The following SARNP variants were observed in gnomAD, a reference collection of about 807,000 sequenced individuals.
The protein encoded by SARNP is SAP domain-containing ribonucleoprotein.
In SARNP, 5 loss-of-function variants were observed where a neutral mutation model predicts 38.1. That is an observed-to-expected ratio of 0.13 (90% CI 0.07 to 0.28). The LOEUF (loss-of-function observed/expected upper bound fraction) is 0.28. Ranked by LOEUF, SARNP falls within the 10% of genes least tolerant of loss-of-function variation. The pLI is 1.00. For missense variants in SARNP, 180 were observed against 243.9 expected (o/e 0.74, Z 1.75); for synonymous variants, 84 against 80.6 (o/e 1.04, Z -0.23).
chr12:55,774,567 A>C (rs1255814848), intron 9 of SARNP, among the ~76,000 whole-genome samples: 3 of 81,454 alleles, frequency 3.7e-5, no homozygotes, highest in African/African-American at 6.9e-5. Context: ...CTGAAAAAAA[A>C]AAAAAAACAA....
At chr12:55,797,114 G>T (rs555333157) in intron 4 of SARNP, among the ~76,000 whole-genome samples, 13 of 152,302 alleles carry the variant, frequency 8.5e-5, no homozygotes, top group African/African-American at 3.1e-4. Context: ...TTAGAGACAT[G>T]GGCAGCTTTT....
At chr12:55,794,957 T>TAAAAAA (rs373511418) in intron 5 of SARNP, 77 bp from the exon 6 acceptor site, 8 of 145,432 alleles carry the variant, frequency 5.5e-5, no homozygotes, top group East Asian at 4.7e-4. Context: ...TAGGTATCTT[T>TAAAAAA]AAAAAAAAAA....
chr12:55,784,027 T>G (rs564933569), intron 9 of SARNP, among the ~76,000 whole-genome samples: 1 of 152,044 alleles, frequency 6.6e-6, no homozygotes, highest in African/African-American at 2.4e-5. Context: ...CACTGATCAG[T>G]AGCCAAGTCC....
intron 1 of SARNP, among the ~76,000 whole-genome samples, chr12:55,812,925 AATC>A (rs1880370506): frequency 6.6e-6 from 1 of 152,154 alleles, no homozygotes. Context: ...AGAACAAACC[AATC>A]AATGATCAGA....
At chr12:55,756,725 C>T (rs1028214177), downstream of SARNP, 3 of 152,206 alleles carry the variant, frequency 2.0e-5, no homozygotes, top group South Asian at 2.1e-4. Flanking sequence ...GCTAACAATG[C>T]GTAACAGCTC....
intron 9 of SARNP, among the ~76,000 whole-genome samples, chr12:55,785,197 A>T (rs942175754): frequency 2.0e-5 from 3 of 152,224 alleles, no homozygotes; most frequent in Non-Finnish European, 4.4e-5. Context: ...TGCAAATAAA[A>T]AAATATGCTA....
chr12:55,790,672 T>C (rs1879639701), intron 7 of SARNP, 80 bp from the exon 8 acceptor site: 7 of 1,304,086 alleles, frequency 5.4e-6, no homozygotes, highest in African/African-American at 1.5e-5. Context: ...TTAGGCAACA[T>C]AAAAACATCC....
rs1879634984 is a variant in SARNP, at chr12:55,790,558, A to G, written c.432+9T>C. 1.9e-6 allele frequency: 3 copies of G among 1,558,826 alleles called. No homozygotes were observed. Among genetic ancestry groups the G allele is most frequent in the South Asian group, 2.4e-5 (2 of 81,804 alleles). ...CTGGGTGTGTAAGAAATAAAAAAAG[A>G]TTTCTTACCATAGGTTTGTTATCAG... On this transcript the variant is annotated intron_variant, in intron 8 of 10. Coordinates refer to ENST00000336133, the MANE Select transcript of SARNP (RefSeq NM_033082.4).
At chr12:55,804,987 G>C (rs1411250367) in intron 1 of SARNP, among the ~76,000 whole-genome samples, 1 of 152,222 alleles carries the variant, frequency 6.6e-6, no homozygotes, top group African/African-American at 2.4e-5. Context: ...ACAATGGCCG[G>C]GCGCGGTGGC....
At chr12:55,769,126 T>C (rs1472815809) in intron 9 of SARNP, among the ~76,000 whole-genome samples, 1 of 152,174 alleles carries the variant, frequency 6.6e-6, no homozygotes, top group African/African-American at 2.4e-5. Flanking sequence ...TTTAAGGTAA[T>C]ATATGAGGGG....
chr12:55,791,392 T>C lies in SARNP; in HGVS notation c.407-800A>G, dbSNP rs906737281. On this transcript the variant is annotated intron_variant, in intron 7 of 10. Coordinates refer to ENST00000336133, the MANE Select transcript of SARNP (RefSeq NM_033082.4). ...TCTGGACAAACAAGAACTACTATCA[T>C]GAGTTGAAATTATGGCTCCTGGCCG... Among the ~76,000 whole-genome samples the C allele has an allele frequency of 2.6e-5, 4 of 152,366 alleles. No individual in the cohort carries two copies. In the East Asian group the frequency reaches 5.8e-4, roughly 22 times the overall value.
At chr12:55,782,440 C>G (rs375648562) in intron 9 of SARNP, among the ~76,000 whole-genome samples, 2 of 152,108 alleles carry the variant, frequency 1.3e-5, no homozygotes, top group Non-Finnish European at 2.9e-5. Context: ...TGAAAAATAC[C>G]AAACAATCCA....
intron 9 of SARNP, among the ~76,000 whole-genome samples, chr12:55,772,951 G>A (rs1212719723): frequency 1.3e-5 from 2 of 152,098 alleles, no homozygotes; most frequent in East Asian, 3.9e-4. Context: ...CCAATCTCAG[G>A]TGATCTGCCC....
intron 10 of SARNP, among the ~76,000 whole-genome samples, chr12:55,758,623 C>T (rs920471742): frequency 1.3e-5 from 2 of 151,740 alleles, no homozygotes; most frequent in East Asian, 3.9e-4. Flanking sequence ...CCAGCCTGGA[C>T]GACAGAGCGA....
intron 1 of SARNP, among the ~76,000 whole-genome samples, chr12:55,806,406 C>G (rs898397564): frequency 8.6e-5 from 13 of 151,526 alleles, no homozygotes; most frequent in African/African-American, 3.2e-4. Context: ...TCCTGAGTAG[C>G]TGGGATTATA....
intron 9 of SARNP, among the ~76,000 whole-genome samples, chr12:55,778,602 C>T (rs568173322): frequency 2.0e-5 from 3 of 152,204 alleles, no homozygotes; most frequent in Non-Finnish European, 1.5e-5. Flanking sequence ...CTTGAAAAGG[C>T]CCAATATTTA....
At chr12:55,767,420 A>G (rs1338019293) in intron 9 of SARNP, among the ~76,000 whole-genome samples, 1 of 151,046 alleles carries the variant, frequency 6.6e-6, no homozygotes, top group Non-Finnish European at 1.5e-5. Context: ...ATGGTGGTAC[A>G]TGCCTGTGGT....
At chr12:55,798,098 T>A (rs1879872259) in intron 4 of SARNP, among the ~76,000 whole-genome samples, 2 of 152,326 alleles carry the variant, frequency 1.3e-5, no homozygotes, top group South Asian at 4.1e-4. Context: ...TTTAAAGCTA[T>A]CTCACAAAGT....
intron 1 of SARNP, among the ~76,000 whole-genome samples, chr12:55,809,104 G>A (rs1432821093): frequency 1.3e-5 from 2 of 152,060 alleles, no homozygotes; most frequent in African/African-American, 2.4e-5. Flanking sequence ...TACTTGAGGG[G>A]CTAAAGCTGG....
Sources: gnomAD v4.1 joint callset for allele counts (sites outside exome capture counted in the v4.1 genomes callset) on GRCh38, gnomAD v4.1.1 for gene constraint, MANE v1.5 for transcripts, NCBI Gene and HGNC (gene_info 2026-07-23, HGNC 2026-07-21) for gene names.